The following AKAP6 variants were observed in gnomAD, a reference collection of about 807,000 sequenced individuals.
AKAP6 encodes A-kinase anchoring protein 6.
Under a neutral mutation model 188.5 loss-of-function variants are expected in AKAP6, and 58 were observed. The ratio of observed to expected loss-of-function variants is 0.31; its 90% CI spans 0.25 to 0.38. The LOEUF (loss-of-function observed/expected upper bound fraction) is 0.38. AKAP6 is among the 10% of genes least tolerant of loss of function. The probability of loss-of-function intolerance (pLI) is 1.00; values close to 1 mark genes in which losing one functional copy is unlikely to be tolerated. For missense variants in AKAP6, 2,710 were observed against 2,740.0 expected (o/e 0.99, Z 0.24); for synonymous variants, 989 against 998.6 (o/e 0.99, Z 0.18).
chr14:32,389,364 G>A (rs952655856), intron 1 of AKAP6, among the ~76,000 whole-genome samples: 3 of 151,930 alleles, frequency 2.0e-5, no homozygotes, highest in Non-Finnish European at 2.9e-5. Context: ...GAGATGTGAG[G>A]TACCATTCTA....
In AKAP6 at chr14:32,831,403, T is replaced by C. The variant is rs187875363; in HGVS notation, c.*1598T>C. ...ATCCCTTTATTTTGACACTAAAACA[T>C]GGACACAACTAGAAAGAGGTACAAT... On this transcript the variant is annotated 3_prime_UTR_variant, in exon 14 of 14. Coordinates refer to ENST00000280979, the MANE Select transcript of AKAP6 (RefSeq NM_004274.5). 317 of 152,226 alleles carry C rather than the reference T, an allele frequency of 2.1e-3. 1 individual carries two copies. The highest frequency in any genetic ancestry group is 7.1e-3 in the African/African-American group (297 of 41,554). 9.4% of individuals were successfully genotyped at this position (152,226 alleles called of 1,614,324 possible).
chr14:32,377,604 G>T (rs896634047), intron 1 of AKAP6, among the ~76,000 whole-genome samples: 10 of 152,128 alleles, frequency 6.6e-5, no homozygotes, highest in Non-Finnish European at 1.3e-4. Context: ...CTAGAAAAGG[G>T]CTGCCCATTT....
At chr14:32,496,229 A>G (rs922781867) in intron 2 of AKAP6, among the ~76,000 whole-genome samples, 6 of 152,168 alleles carry the variant, frequency 3.9e-5, no homozygotes, top group African/African-American at 1.4e-4. Context: ...CTTTTAAGGA[A>G]TCTATGTATA....
At position 32,600,782 on chromosome 14, in the gene AKAP6, G is replaced by A. The variant is rs866101667; in HGVS notation, c.2720G>A (p.Gly907Glu). 1.2e-6 allele frequency: 2 copies of A among 1,607,580 alleles called. No individual in the cohort carries two copies. The highest frequency in any genetic ancestry group is 8.5e-7 in the Non-Finnish European group (1 of 1,177,080). Residue 907 changes from glycine to glutamate, a missense_variant, in exon 7 of 14, where the codon GGA (glycine) becomes GAA (glutamate). Physicochemically the swap from Gly to Glu is moderately conservative, Grantham distance 98. Transcript: ENST00000280979. Reference sequence around the variant, plus strand: ...TCTGTGGAGGATGAGGAAGGGACTGGAAGCCCCAAGGTAAGTGGCTTGAAG... The same window carrying A: ...TCTGTGGAGGATGAGGAAGGGACTGAAAGCCCCAAGGTAAGTGGCTTGAAG... ...DVSVEDEEGT[G>E]SPKAEVQLCY... is the part of the protein sequence containing the mutation.
At chr14:32,494,664 G>A (rs1170641457) in intron 2 of AKAP6, among the ~76,000 whole-genome samples, 2 of 152,102 alleles carry the variant, frequency 1.3e-5, no homozygotes, top group African/African-American at 2.4e-5. Flanking sequence ...TGCACTATGT[G>A]ACTGGATACT....
intron 2 of AKAP6, among the ~76,000 whole-genome samples, chr14:32,482,489 G>C (rs1879404596): frequency 6.6e-6 from 1 of 152,026 alleles, no homozygotes; most frequent in Non-Finnish European, 1.5e-5. Flanking sequence ...ATTATTTCCT[G>C]ACCACTCTAT....
intron 13 of AKAP6, among the ~76,000 whole-genome samples, chr14:32,827,138 G>C (rs1234633369): frequency 2.6e-5 from 4 of 152,122 alleles, no homozygotes; most frequent in Admixed American, 1.3e-4. Flanking sequence ...ATGTTGACAT[G>C]CCTTCAGTAT....
chr14:32,629,137 T>A (rs1887147311), intron 7 of AKAP6, among the ~76,000 whole-genome samples: 1 of 152,036 alleles, frequency 6.6e-6, no homozygotes, highest in Non-Finnish European at 1.5e-5. Context: ...GTGAACAATT[T>A]CATAAACAAA....
intron 8 of AKAP6, among the ~76,000 whole-genome samples, chr14:32,685,105 A>T (rs1377892818): frequency 1.3e-5 from 2 of 151,786 alleles, no homozygotes; most frequent in African/African-American, 2.4e-5. Context: ...ACCTACAAAA[A>T]ATTTTTTAAG....
At chr14:32,400,658 G>A (rs147144207) in intron 1 of AKAP6, among the ~76,000 whole-genome samples, 1 of 147,992 alleles carries the variant, frequency 6.8e-6, no homozygotes, top group South Asian at 2.2e-4. Context: ...CTTCCTAATT[G>A]CTGACTCCTT....
At position 32,568,661 on chromosome 14, in the gene AKAP6, A is replaced by G. The variant is rs1177912266; in HGVS notation, c.2347-8459A>G. 6.6e-6 allele frequency among the ~76,000 whole-genome samples: 1 copy of G among 152,116 alleles called. No individual in the cohort carries two copies. Among genetic ancestry groups the G allele is most frequent in the Non-Finnish European group, 1.5e-5 (1 of 68,022 alleles). ...TGCCAAGCTTTGGGGCAGTCATACT[A>G]CCTGAATGAGGGGTCCCCAGCTTCA... On this transcript the variant is annotated intron_variant, in intron 4 of 13. Transcript: ENST00000280979. The surrounding 1 kb of genome is among the most constrained non-coding windows in gnomAD (Gnocchi z 6.2).
intron 11 of AKAP6, among the ~76,000 whole-genome samples, chr14:32,770,534 A>G (rs149081703): frequency 3.5e-4 from 54 of 152,302 alleles, no homozygotes; most frequent in African/African-American, 1.3e-3. Context: ...TCTGTTTCCT[A>G]CTTCCTTTTC....
In AKAP6 at chr14:32,735,899, C is replaced by T; in HGVS notation, c.3372+17C>T. ...TACTTTAAGGTAATAAAAAAACAATCAAAGTTGATAAAAAGCTCTTTTTAT... is the reference window on the plus strand; with the variant it reads ...TACTTTAAGGTAATAAAAAAACAATTAAAGTTGATAAAAAGCTCTTTTTAT... On this transcript the variant is annotated intron_variant, in intron 11 of 13. Transcript: ENST00000280979. 6.4e-7 allele frequency: 1 copy of T among 1,553,946 alleles called. No homozygotes were observed. Among genetic ancestry groups the T allele is most frequent in the South Asian group, 1.2e-5 (1 of 83,164 alleles).
chr14:32,535,823 A>C lies in AKAP6; in HGVS notation c.576+18A>C. The stretch of plus-strand genomic sequence containing the variant: ...CAAAAGAGGTGAGTGTTTTCCTTGA[A>C]GTTAAGCAATGCATTTCCAGGTATG... On this transcript the variant is annotated intron_variant, in intron 3 of 13. Coordinates refer to ENST00000280979, the MANE Select transcript of AKAP6 (RefSeq NM_004274.5). 6.3e-7 allele frequency: 1 copy of C among 1,598,354 alleles called. No homozygotes were observed.
chr14:32,831,529 G>T lies in AKAP6; in HGVS notation c.*1724G>T, dbSNP rs753264601. ...AGGAATGACAATCATTCAACAGATAGTTCAGAAACACTTTTTATCTGCAAG... is the reference window on the plus strand; with the variant it reads ...AGGAATGACAATCATTCAACAGATATTTCAGAAACACTTTTTATCTGCAAG... On this transcript the variant is annotated 3_prime_UTR_variant, in exon 14 of 14. Transcript: ENST00000280979. The T allele has an allele frequency of 6.6e-6, 1 of 152,170 alleles. No individual in the cohort carries two copies. The highest frequency in any genetic ancestry group is 1.5e-5 in the Non-Finnish European group (1 of 68,042). The allele number at this position is 152,170 out of a possible 1,614,324, so 9.4% of individuals were successfully genotyped here.
intron 4 of AKAP6, among the ~76,000 whole-genome samples, chr14:32,561,372 A>G (rs1460492373): frequency 6.6e-6 from 1 of 152,170 alleles, no homozygotes; most frequent in Non-Finnish European, 1.5e-5. Flanking sequence ...GTAACCTCGC[A>G]AGCCTCAGTT....
At chr14:32,367,425 GAAC>G (rs1279682132) in intron 1 of AKAP6, among the ~76,000 whole-genome samples, 4 of 152,232 alleles carry the variant, frequency 2.6e-5, no homozygotes, top group Non-Finnish European at 5.9e-5. Flanking sequence ...CTAAGTTTGT[GAAC>G]ATTAGCATTA....
intron 7 of AKAP6, among the ~76,000 whole-genome samples, chr14:32,655,845 T>A (rs1566628595): frequency 6.6e-6 from 1 of 152,150 alleles, no homozygotes; most frequent in Non-Finnish European, 1.5e-5. Flanking sequence ...CCAATCTAAC[T>A]TTTTTGTCTA....
In AKAP6 at chr14:32,380,671, CAGA is replaced by C. The variant is rs549110365; in HGVS notation, c.-35+51266_-35+51268del. On this transcript the variant is annotated intron_variant, in intron 1 of 13. Coordinates refer to ENST00000280979, the MANE Select transcript of AKAP6 (RefSeq NM_004274.5). Reference sequence around the variant, plus strand: ...CATAAGGGAAAGCAATCCCAACACACAGAAGGATAGAAAGTGCTGGTCCTTATT... The same window carrying C: ...CATAAGGGAAAGCAATCCCAACACACAGGATAGAAAGTGCTGGTCCTTATT... 2.2e-4 allele frequency among the ~76,000 whole-genome samples: 33 copies of C among 152,274 alleles called. No homozygotes were observed. The South Asian group carries it at 6.6e-3, about 31-fold the overall frequency.
Sources: allele counts gnomAD v4.1 joint callset (sites outside exome capture counted in the v4.1 genomes callset), GRCh38; gene constraint gnomAD v4.1.1; non-coding constraint Gnocchi (gnomAD v3.1); transcripts MANE v1.5; gene names NCBI Gene and HGNC (gene_info 2026-07-23, HGNC 2026-07-21).